Variants in RALB observed in about 807,000 individuals in gnomAD.
RALB encodes RAS like proto-oncogene B.
In RALB, 16 loss-of-function variants were observed where a neutral mutation model predicts 21.3. The ratio of observed to expected loss-of-function variants is 0.75; its 90% confidence interval spans 0.51 to 1.14. RALB has a LOEUF of 1.14. Among genes scored for constraint, RALB ranks in the 50% most tolerant of loss-of-function variants. The probability of loss-of-function intolerance (pLI) is 0.00; values close to 1 mark genes in which losing one functional copy is unlikely to be tolerated. For missense variants in RALB, 161 were observed against 256.2 expected, an observed-to-expected ratio of 0.63 and a Z score of 2.54; for synonymous variants, 93 against 96.1, an observed-to-expected ratio of 0.97 and a Z score of 0.19.
intron 1 of RALB, among the ~76,000 whole-genome samples, chr2:120,274,536 CAG>C (rs72457699): frequency 0.011 from 1,629 of 152,146 alleles, 13 homozygotes; most frequent in Non-Finnish European, 0.016. Flanking sequence ...TTTCAGAAGA[CAG>C]AGAAATCTAA....
chr2:120,259,234 C>G (rs543295960), intron 1 of RALB, among the ~76,000 whole-genome samples: 8 of 152,216 alleles, frequency 5.3e-5, no homozygotes, highest in East Asian at 1.9e-4. Flanking sequence ...AATGCTGGCT[C>G]GGGCAGCCTG....
chr2:120,268,033 G>A (rs998096958), intron 1 of RALB, among the ~76,000 whole-genome samples: 1 of 152,110 alleles, frequency 6.6e-6, no homozygotes, highest in Non-Finnish European at 1.5e-5. Context: ...CTCGTGATCT[G>A]CCCGCCTTAG....
chr2:120,252,639 C>T (rs1002330344), upstream of RALB: 6 of 277,504 alleles, frequency 2.2e-5, no homozygotes, highest in Non-Finnish European at 3.3e-5. Flanking sequence ...GGGGACGGGG[C>T]AGGCGCGCTG....
At chr2:120,286,446 A>G (rs1690160193) in intron 3 of RALB, among the ~76,000 whole-genome samples, 1 of 152,198 alleles carries the variant, frequency 6.6e-6, no homozygotes, top group Non-Finnish European at 1.5e-5. Context: ...TAATGTTACT[A>G]AAAAAAGTAG....
chr2:120,282,556 T>G (rs1573353102), intron 2 of RALB, among the ~76,000 whole-genome samples: 2 of 80,514 alleles, frequency 2.5e-5, no homozygotes, highest in African/African-American at 4.9e-5. Flanking sequence ...GGTGTGTGTG[T>G]GTTGGGGAGG....
intron 1 of RALB, among the ~76,000 whole-genome samples, chr2:120,254,105 G>C (rs1451016791): frequency 6.6e-6 from 1 of 152,186 alleles, no homozygotes. Context: ...AGGTAGCACT[G>C]CATATTGGGA....
At chr2:120,291,865 G>A (rs973147538) in intron 4 of RALB, among the ~76,000 whole-genome samples, 15 of 152,128 alleles carry the variant, frequency 9.9e-5, no homozygotes, top group African/African-American at 1.7e-4. Context: ...AGTGGTAAAT[G>A]CATGTGGAGC....
intron 1 of RALB, among the ~76,000 whole-genome samples, chr2:120,260,708 G>C (rs1431381763): frequency 6.6e-6 from 1 of 152,256 alleles, no homozygotes; most frequent in Non-Finnish European, 1.5e-5. Flanking sequence ...GGAGGGGGAC[G>C]CTGGAAGGGG....
At chr2:120,253,369 T>C in intron 1 of RALB, 1 of 984,844 alleles carries the variant, frequency 1.0e-6, no homozygotes, top group Non-Finnish European at 1.2e-6. Context: ...CTGGGAAGTG[T>C]TGCAAAAACT....
chr2:120,282,402 T>A (rs972450349), intron 2 of RALB, among the ~76,000 whole-genome samples: 2 of 151,746 alleles, frequency 1.3e-5, no homozygotes, highest in African/African-American at 4.8e-5. Flanking sequence ...CGCTTGAACC[T>A]GGGAGATGGA....
chr2:120,242,579 A>T (rs1370471439), intron 1 of RALB, among the ~76,000 whole-genome samples: 1 of 152,048 alleles, frequency 6.6e-6, no homozygotes, highest in Non-Finnish European at 1.5e-5. Context: ...CTAAAAATAC[A>T]AAAACAAAAT....
At chr2:120,254,079 A>G (rs976820626) in intron 1 of RALB, among the ~76,000 whole-genome samples, 2 of 152,192 alleles carry the variant, frequency 1.3e-5, no homozygotes, top group Non-Finnish European at 2.9e-5. Context: ...GTTCCCAGAA[A>G]TGGGCCGACC....
chr2:120,277,653 AGTG>A (rs1689849299), intron 1 of RALB, among the ~76,000 whole-genome samples: 1 of 136,424 alleles, frequency 7.3e-6, no homozygotes, highest in African/African-American at 2.9e-5. Flanking sequence ...CAAATTTGAA[AGTG>A]TTGTGAGAGC....
chr2:120,252,812 G>A, upstream of RALB: 1 of 985,646 alleles, frequency 1.0e-6, no homozygotes, highest in Non-Finnish European at 1.2e-6. Flanking sequence ...TCGAGAGGAG[G>A]GGTTGCCTAG....
chr2:120,291,717 C>T (rs1690308082), intron 4 of RALB, among the ~76,000 whole-genome samples: 2 of 152,152 alleles, frequency 1.3e-5, no homozygotes, highest in Admixed American at 6.5e-5. Context: ...GACAAAAAGA[C>T]AAACCTGTAG....
chr2:120,293,058 ACAGTGT>A, intron 4 of RALB, 77 bp from the exon 5 acceptor site: 1 of 1,359,374 alleles, frequency 7.4e-7, no homozygotes, highest in South Asian at 1.5e-5. Flanking sequence ...TGCTGTGTTC[ACAGTGT>A]CAGGTTAACA....
At chr2:120,270,318 A>G (rs901562182) in intron 1 of RALB, among the ~76,000 whole-genome samples, 7 of 152,250 alleles carry the variant, frequency 4.6e-5, no homozygotes, top group African/African-American at 1.7e-4. Flanking sequence ...GAAAAAAATA[A>G]CAGGAAGTTG....
At chr2:120,243,049 G>A (rs1007763522) in intron 1 of RALB, among the ~76,000 whole-genome samples, 2 of 152,186 alleles carry the variant, frequency 1.3e-5, no homozygotes, top group African/African-American at 2.4e-5. Flanking sequence ...AGCTCCCTTC[G>A]TTCTGATGCA....
chr2:120,266,578 G>A (rs1689507094), intron 1 of RALB, among the ~76,000 whole-genome samples: 1 of 152,252 alleles, frequency 6.6e-6, no homozygotes, highest in African/African-American at 2.4e-5. Context: ...GGGCGTGGTG[G>A]TGTGTGCCTG....
Sources: allele counts gnomAD v4.1 joint callset (sites outside exome capture counted in the v4.1 genomes callset), GRCh38; gene constraint gnomAD v4.1.1; transcripts MANE v1.5; gene names NCBI Gene and HGNC (gene_info 2026-07-23, HGNC 2026-07-21).